Variants in MAP2K4 observed in about 807,000 individuals in gnomAD.
MAP2K4 encodes mitogen-activated protein kinase kinase 4.
In MAP2K4, 4 loss-of-function variants were observed where a neutral mutation model predicts 48.5. The observed-to-expected ratio is 0.08, with a 90% CI of 0.04 to 0.19. The LOEUF (loss-of-function observed/expected upper bound fraction) is 0.19. Among genes scored for constraint, MAP2K4 ranks in the 10% least tolerant of loss-of-function variants. MAP2K4 has a pLI of 1.00. For synonymous variants in MAP2K4, 166 were observed against 173.1 expected (o/e 0.96, Z 0.32); for missense variants, 258 against 493.3 (o/e 0.52, Z 4.52).
At chr17:12,091,885 A>G (rs565569617) in intron 3 of MAP2K4, among the ~76,000 whole-genome samples, 1 of 152,262 alleles carries the variant, frequency 6.6e-6, no homozygotes, top group South Asian at 2.1e-4. Context: ...TTATATTCCA[A>G]ATAAAGTAAA....
chr17:12,073,961 A>T (rs1970909368), intron 2 of MAP2K4, among the ~76,000 whole-genome samples: 1 of 151,744 alleles, frequency 6.6e-6, no homozygotes, highest in Non-Finnish European at 1.5e-5. Flanking sequence ...TTTAGTAGAG[A>T]CGGGGGTTCA....
intron 9 of MAP2K4, among the ~76,000 whole-genome samples, chr17:12,135,186 T>G (rs926593652): frequency 1.3e-5 from 2 of 152,172 alleles, no homozygotes; most frequent in Non-Finnish European, 2.9e-5. Flanking sequence ...CCTCCCGGTT[T>G]CAAGTGATTC....
At chr17:12,067,571 G>A (rs1440819530) in intron 2 of MAP2K4, among the ~76,000 whole-genome samples, 5 of 152,166 alleles carry the variant, frequency 3.3e-5, no homozygotes, top group Non-Finnish European at 7.3e-5. Context: ...CCTGACTGAG[G>A]AGCTGCAGAA....
At chr17:12,119,308 A>G (rs931030041) in intron 7 of MAP2K4, among the ~76,000 whole-genome samples, 1 of 152,232 alleles carries the variant, frequency 6.6e-6, no homozygotes, top group East Asian at 1.9e-4. Context: ...AAGAAAGAAA[A>G]CAACCTCATT....
chr17:12,141,081 T>G, intron 10 of MAP2K4, 66 bp from the exon 11 acceptor site: 1 of 943,180 alleles, frequency 1.1e-6, no homozygotes, highest in Non-Finnish European at 1.7e-6. Flanking sequence ...TCTATAGAAA[T>G]TGGAAAATGT....
intron 1 of MAP2K4, among the ~76,000 whole-genome samples, chr17:12,023,009 C>T (rs1390754734): frequency 2.0e-5 from 3 of 152,152 alleles, no homozygotes; most frequent in African/African-American, 4.8e-5. Context: ...CTCCTCAGCC[C>T]TTGTATGTTG....
chr17:12,138,591 T>TA (rs1973279617), intron 9 of MAP2K4, among the ~76,000 whole-genome samples: 1 of 152,114 alleles, frequency 6.6e-6, no homozygotes, highest in African/African-American at 2.4e-5. Flanking sequence ...AGTGGATTTG[T>TA]ACAGTTGAAA....
intron 2 of MAP2K4, among the ~76,000 whole-genome samples, chr17:12,064,924 C>T (rs1432071408): frequency 6.6e-6 from 1 of 152,120 alleles, no homozygotes; most frequent in Admixed American, 6.5e-5. Context: ...TGATGGATCT[C>T]TGAAAATGCT....
At chr17:12,097,626 G>A (rs1195431942) in intron 4 of MAP2K4, among the ~76,000 whole-genome samples, 4 of 152,214 alleles carry the variant, frequency 2.6e-5, no homozygotes, top group Non-Finnish European at 4.4e-5. Context: ...AAACACTAAC[G>A]TCTGTTGAAT....
intron 7 of MAP2K4, among the ~76,000 whole-genome samples, chr17:12,119,199 A>G (rs1197098042): frequency 2.0e-5 from 3 of 152,270 alleles, no homozygotes; most frequent in African/African-American, 4.8e-5. Flanking sequence ...CTATCAACAG[A>G]GTAAACAGAT....
At chr17:12,098,536 A>G (rs1319354528) in intron 4 of MAP2K4, among the ~76,000 whole-genome samples, 2 of 151,674 alleles carry the variant, frequency 1.3e-5, no homozygotes, top group Non-Finnish European at 2.9e-5. Flanking sequence ...TATATATGTA[A>G]GTAATAAACA....
chr17:12,069,855 T>C (rs1409166399), intron 2 of MAP2K4: 2 of 383,004 alleles, frequency 5.2e-6, no homozygotes, highest in African/African-American at 2.4e-5. Context: ...GCAGGGTATG[T>C]CTTACCTTTA....
At chr17:12,127,688 C>G (rs189224496) in intron 8 of MAP2K4, among the ~76,000 whole-genome samples, 150 of 152,284 alleles carry the variant, frequency 9.9e-4, no homozygotes, top group African/African-American at 3.2e-3. Flanking sequence ...ATTATTAAAA[C>G]ACAAGAAGGA....
At chr17:12,113,124 C>A in intron 6 of MAP2K4, 109 bp from the exon 7 acceptor site, 1 of 881,072 alleles carries the variant, frequency 1.1e-6, no homozygotes, top group South Asian at 2.0e-5. Flanking sequence ...AATTTAAGGA[C>A]TTGACCACTT....
chr17:12,132,608 AG>A lies in MAP2K4; in HGVS notation c.1040+3323del, dbSNP rs200493335. On this transcript the variant is annotated intron_variant, in intron 9 of 10. Coordinates refer to ENST00000353533, the MANE Select transcript of MAP2K4 (RefSeq NM_003010.4). ...TCTGCTTCGATTAAAAGTTTTCCTA[AG>A]GAAAAAAAAAAAAGGATAAGACTTA... is the stretch of plus-strand genomic sequence containing the variant. Among the ~76,000 whole-genome samples the A allele has an allele frequency of 4.2e-3, 641 of 151,542 alleles. 1 individual carries two copies. Among genetic ancestry groups the A allele is most frequent in the East Asian group, 0.035 (182 of 5,150 alleles).
intron 7 of MAP2K4, among the ~76,000 whole-genome samples, chr17:12,113,975 G>T (rs1232804921): frequency 2.0e-5 from 3 of 152,154 alleles, no homozygotes; most frequent in Non-Finnish European, 4.4e-5. Flanking sequence ...TGTAGTGTCT[G>T]TATTTCAGAC....
At chr17:12,049,247 G>C (rs1012590293) in intron 1 of MAP2K4, among the ~76,000 whole-genome samples, 2 of 152,156 alleles carry the variant, frequency 1.3e-5, no homozygotes. Context: ...CCCTCTCTGC[G>C]ATGTGATGTT....
At chr17:12,131,553 C>T (rs927933282) in intron 9 of MAP2K4, among the ~76,000 whole-genome samples, 2 of 151,948 alleles carry the variant, frequency 1.3e-5, no homozygotes, top group Admixed American at 1.3e-4. Flanking sequence ...CCCGCTCTAG[C>T]CACATTTCTC....
At chr17:12,040,401 A>G (rs1969740790) in intron 1 of MAP2K4, among the ~76,000 whole-genome samples, 1 of 152,236 alleles carries the variant, frequency 6.6e-6, no homozygotes, top group South Asian at 2.1e-4. Context: ...ATGATATACA[A>G]ACATTTATTG....
Sources: gnomAD v4.1 joint callset for allele counts (sites outside exome capture counted in the v4.1 genomes callset) on GRCh38, gnomAD v4.1.1 for gene constraint, MANE v1.5 for transcripts, NCBI Gene and HGNC (gene_info 2026-07-23, HGNC 2026-07-21) for gene names.